Variants in CBY3 observed in about 807,000 individuals in gnomAD.
CBY3 encodes chibby family member 3.
A neutral mutation model predicts 3.0 loss-of-function variants in CBY3; 7 were observed. The observed-to-expected ratio is 2.32, with a 90% CI of 1.32 to 4.35. The LOEUF is 4.35. Among genes scored for constraint, CBY3 ranks in the 30% most tolerant of loss-of-function variants. The probability of loss-of-function intolerance (pLI) is 0.00; values close to 1 mark genes in which losing one functional copy is unlikely to be tolerated. For missense variants in CBY3, 400 were observed against 336.4 expected (o/e 1.19, Z -1.48); for synonymous variants, 170 against 154.5 (o/e 1.10, Z -0.74).
rs199692218 is a variant in CBY3 at position 179,678,593 on chromosome 5, T to A, written c.719A>T (p.Asp240Val). ...GVLMIQPCAL[D>V]SQ The stretch of plus-strand genomic sequence containing the variant: ...GCGGCCTTTATTGCGTCACTGCGAG[T>A]CCAGAGCGCACGGCTGGATCATGAG... Residue 240 changes from aspartate (D) to valine (V), a missense_variant, in exon 2 of 2, where the codon GAC (aspartate) becomes GTC (valine). Physicochemically the swap from Asp to Val is radical, Grantham distance 152. Coordinates refer to ENST00000376974, the MANE Select transcript of CBY3 (RefSeq NM_001164444.2). 5.3e-6 allele frequency: 8 copies of A among 1,512,880 alleles called. No homozygotes were observed. Among genetic ancestry groups the A allele is most frequent in the Non-Finnish European group, 7.1e-6 (8 of 1,131,626 alleles). 93.7% of individuals were successfully genotyped at this position (1,512,880 alleles called of 1,614,324 possible). A position where few individuals can be genotyped will look rare whatever the true frequency, so the allele number is the denominator to read the frequency against.
At position 179,679,163 on chromosome 5, in the gene CBY3, C is replaced by A. The variant is rs1261689542; in HGVS notation, c.149G>T (p.Cys50Phe). The A allele has an allele frequency of 3.3e-6, 5 of 1,535,280 alleles. No homozygotes were observed. Among genetic ancestry groups the A allele is most frequent in the Non-Finnish European group, 4.4e-6 (5 of 1,146,856 alleles). The change falls in exon 2 of 2, where the codon TGC (cysteine) becomes TTC (phenylalanine). Residue 50 changes from cysteine to phenylalanine, a missense_variant. Transcript: ENST00000376974. ...CAGGGCGTGGACCTTGTAGGGCACG[C>A]AGGTGCTCGAAGGGGAGCCTCGGGA... ...QRSRGSPSST[C>F]VPYKVHALAT... is the part of the protein sequence containing the mutation.
In CBY3 at chr5:179,680,974, A is replaced by G. The variant is rs371208247; in HGVS notation, c.-56T>C. 8.9e-4 allele frequency: 1,295 copies of G among 1,460,936 alleles called. 2 individuals carry two copies. Among genetic ancestry groups the G allele is most frequent in the Non-Finnish European group, 1.1e-3 (1,219 of 1,079,352 alleles). 90.5% of individuals were successfully genotyped at this position (1,460,936 alleles called of 1,614,324 possible). A position where few individuals can be genotyped will look rare whatever the true frequency, so the allele number is the denominator to read the frequency against. Reference sequence around the variant, plus strand: ...GGAGGATGTTTCCCCGTTAGTCCTCACTGTATGTTGTGCCTCACCTGGAAG... The same window carrying G: ...GGAGGATGTTTCCCCGTTAGTCCTCGCTGTATGTTGTGCCTCACCTGGAAG... On this transcript the variant is annotated 5_prime_UTR_variant, in exon 1 of 2. Transcript: ENST00000376974.
chr5:179,678,627 C>G lies in CBY3; in HGVS notation c.685G>C (p.Ala229Pro), dbSNP rs1205080873. The change falls in exon 2 of 2, where the codon GCG becomes CCG. Residue 229 changes from alanine (A) to proline (P), a missense_variant. Coordinates refer to ENST00000376974, the MANE Select transcript of CBY3 (RefSeq NM_001164444.2). ...CACGGCTGGATCATGAGCACGCCCG[C>G]GCTGGCGCCTGCGCGCTTGCGCATC... ...RKMRKRAGAS[A>P]GVLMIQPCAL... 1 of 1,532,802 alleles carries G rather than the reference C, an allele frequency of 6.5e-7. No homozygotes were observed. Among genetic ancestry groups the G allele is most frequent in the Non-Finnish European group, 8.7e-7 (1 of 1,144,124 alleles). 95.0% of individuals were successfully genotyped at this position (1,532,802 alleles called of 1,614,324 possible).
intron 1 of CBY3, among the ~76,000 whole-genome samples, chr5:179,679,958 CTTTTTTTTTT>C (rs34916199): frequency 5.1e-5 from 3 of 59,348 alleles, no homozygotes; most frequent in Non-Finnish European, 3.2e-5. Flanking sequence ...TGCGCCTGGC[CTTTTTTTTTT>C]TTTTTTTTTT....
In CBY3 at chr5:179,679,092, G is replaced by C; in HGVS notation, c.220C>G (p.Gln74Glu). Residue 74 changes from glutamine (Q) to glutamate (E), a missense_variant, in exon 2 of 2, where the codon CAG becomes GAG. Transcript: ENST00000376974. ...SATSHASRLW[Q>E]TLQQFWADHI... ...TCGGCCCAAAACTGCTGCAGCGTCTGCCACAGGCGGCTGGCATGGCTCGTA... is the reference window on the plus strand; with the variant it reads ...TCGGCCCAAAACTGCTGCAGCGTCTCCCACAGGCGGCTGGCATGGCTCGTA... 3.3e-6 allele frequency: 5 copies of C among 1,535,810 alleles called. No individual in the cohort carries two copies. The highest frequency in any genetic ancestry group is 4.4e-6 in the Non-Finnish European group (5 of 1,146,680).
chr5:179,679,680 CT>C (rs1475124280), intron 1 of CBY3, among the ~76,000 whole-genome samples: 3 of 151,864 alleles, frequency 2.0e-5, no homozygotes, highest in Admixed American at 6.6e-5. Context: ...TTTTTTGAGA[CT>C]GAGTCTCGCT....
chr5:179,678,686 A>G lies in CBY3; in HGVS notation c.626T>C (p.Ile209Thr), dbSNP rs975006182. Residue 209 changes from isoleucine to threonine, a missense_variant, in exon 2 of 2, where the codon ATC becomes ACC. Transcript: ENST00000376974. ...LLEKQRNPEV[I>T]PTAAARAGQR... ...CCCGGCGCGCGCCGCAGCCGTCGGG[A>G]TCACCTCGGGGTTGCGCTGCTTCTC... The G allele has an allele frequency of 6.5e-7, 1 of 1,536,142 alleles. No individual in the cohort carries two copies.
At chr5:179,680,019 G>A (rs1776021406) in intron 1 of CBY3, among the ~76,000 whole-genome samples, 1 of 131,986 alleles carries the variant, frequency 7.6e-6, no homozygotes, top group South Asian at 2.5e-4. Flanking sequence ...CACCTTATTG[G>A]CCAGGCTGGT....
Position 179,678,975 on chromosome 5 carries a change from G to C in CBY3, c.337C>G (p.Gln113Glu). ...TFYLLDHNTRQAELGLAYGAP... is the reference protein window; with the variant it reads ...TFYLLDHNTREAELGLAYGAP... ...CCGTAGGCGAGGCCCAGCTCGGCCT[G>C]GCGCGTGTTGTGGTCCAGCAGGTAG... is the stretch of plus-strand genomic sequence containing the variant. Residue 113 changes from glutamine (Q) to glutamate (E), a missense_variant, in exon 2 of 2, where the codon CAG becomes GAG. Physicochemically the swap from Gln to Glu is conservative, Grantham distance 29. Coordinates refer to ENST00000376974, the MANE Select transcript of CBY3 (RefSeq NM_001164444.2). 6.5e-7 allele frequency: 1 copy of C among 1,535,890 alleles called. No homozygotes were observed. The highest frequency in any genetic ancestry group is 8.7e-7 in the Non-Finnish European group (1 of 1,146,436).
In CBY3 at chr5:179,678,621, C is replaced by T. The variant is rs1775963132; in HGVS notation, c.691G>A (p.Val231Met). ...MRKRAGASAG[V>M]LMIQPCALDS... is the part of the protein sequence containing the mutation. Reference sequence around the variant, plus strand: ...AGAGCGCACGGCTGGATCATGAGCACGCCCGCGCTGGCGCCTGCGCGCTTG... The same window carrying T: ...AGAGCGCACGGCTGGATCATGAGCATGCCCGCGCTGGCGCCTGCGCGCTTG... Residue 231 changes from valine to methionine, a missense_variant, in exon 2 of 2, where the codon GTG becomes ATG. Coordinates refer to ENST00000376974, the MANE Select transcript of CBY3 (RefSeq NM_001164444.2). 6.5e-7 allele frequency: 1 copy of T among 1,531,994 alleles called. No homozygotes were observed. The highest frequency in any genetic ancestry group is 8.7e-7 in the Non-Finnish European group (1 of 1,143,784). The allele number at this position is 1,531,994 out of a possible 1,614,324, so 94.9% of individuals were successfully genotyped here.
chr5:179,679,212 C>T lies in CBY3; in HGVS notation c.100G>A (p.Glu34Lys). The T allele has an allele frequency of 1.3e-6, 2 of 1,534,266 alleles. No homozygotes were observed. The highest frequency in any genetic ancestry group is 1.7e-6 in the Non-Finnish European group (2 of 1,146,624). Residue 34 changes from glutamate to lysine, a missense_variant, in exon 2 of 2, where the codon GAG (glutamate) becomes AAG (lysine). Physicochemically the swap from Glu to Lys is moderately conservative, Grantham distance 56 (BLOSUM62 1). Coordinates refer to ENST00000376974, the MANE Select transcript of CBY3 (RefSeq NM_001164444.2). ...SFWTSGLPRQ[E>K]RSTSRQRSRG... The stretch of plus-strand genomic sequence containing the variant: ...GAGCGCTGGCGACTCGTGCTGCGCT[C>T]TTGTCTCGGGAGCCCGGATGTCCAG...
Position 179,680,924 on chromosome 5 carries a change from C to A in CBY3, c.-6G>T. The A allele has an allele frequency of 6.5e-7, 1 of 1,536,208 alleles. No individual in the cohort carries two copies. The highest frequency in any genetic ancestry group is 1.2e-5 in the South Asian group (1 of 84,004). On this transcript the variant is annotated 5_prime_UTR_variant, in exon 1 of 2. Transcript: ENST00000376974. ...TGGTCTCTGGAAGCCCACATCCAGG[C>A]CCACCCTTGAGATTGTATCTTCTCG...
chr5:179,679,689 G>C (rs971391255), intron 1 of CBY3, among the ~76,000 whole-genome samples: 19 of 152,082 alleles, frequency 1.2e-4, no homozygotes, highest in Middle Eastern at 3.4e-3. Flanking sequence ...ACTGAGTCTC[G>C]CTGTCGTTGC....
chr5:179,679,100 C>T lies in CBY3; in HGVS notation c.212G>A (p.Arg71His). The change falls in exon 2 of 2, where the codon CGC becomes CAC. Residue 71 changes from arginine to histidine, a missense_variant. By Grantham distance (29) the Arg-to-His change is conservative (BLOSUM62 0). Coordinates refer to ENST00000376974, the MANE Select transcript of CBY3 (RefSeq NM_001164444.2). ...FECSATSHASRLWQTLQQFWA... is the reference protein window; with the variant it reads ...FECSATSHASHLWQTLQQFWA... ...AAACTGCTGCAGCGTCTGCCACAGG[C>T]GGCTGGCATGGCTCGTAGCCGAGCA... 3 of 1,535,804 alleles carry T rather than the reference C, an allele frequency of 2.0e-6. No homozygotes were observed. Among genetic ancestry groups the T allele is most frequent in the Non-Finnish European group, 1.7e-6 (2 of 1,146,692 alleles).
Position 179,679,194 on chromosome 5 carries a change from G to A in CBY3, c.118C>T (p.Gln40Ter). 1 of 1,534,900 alleles carries A rather than the reference G, an allele frequency of 6.5e-7. No homozygotes were observed. Among genetic ancestry groups the A allele is most frequent in the Non-Finnish European group, 8.7e-7 (1 of 1,146,808 alleles). Reference sequence around the variant, plus strand: ...CTCGAAGGGGAGCCTCGGGAGCGCTGGCGACTCGTGCTGCGCTCTTGTCTC... The same window carrying A: ...CTCGAAGGGGAGCCTCGGGAGCGCTAGCGACTCGTGCTGCGCTCTTGTCTC... ...LPRQERSTSR[Q>*]RSRGSPSSTC... is the part of the protein sequence containing the mutation. Residue 40 changes from glutamine (Q) to a stop codon, truncating the protein, a stop_gained, in exon 2 of 2, where the codon CAG becomes TAG. Coordinates refer to ENST00000376974, the MANE Select transcript of CBY3 (RefSeq NM_001164444.2). LOFTEE classifies it low-confidence loss of function (END_TRUNC).
intron 1 of CBY3, 86 bp from the exon 2 acceptor site, chr5:179,679,351 C>A: frequency 8.6e-7 from 1 of 1,165,194 alleles, no homozygotes. Flanking sequence ...CTTAGCCCTG[C>A]AGCTACGGCT....
chr5:179,680,860 G>A lies in CBY3; in HGVS notation c.46+13C>T. On this transcript the variant is annotated intron_variant, in intron 1 of 1. Coordinates refer to ENST00000376974, the MANE Select transcript of CBY3 (RefSeq NM_001164444.2). Reference sequence around the variant, plus strand: ...CCTCACATATAGGTGGACAGAGGCTGGATGGTACATACCATCCCCAAGATC... The same window carrying A: ...CCTCACATATAGGTGGACAGAGGCTAGATGGTACATACCATCCCCAAGATC... 6.5e-7 allele frequency: 1 copy of A among 1,534,634 alleles called. No homozygotes were observed. The highest frequency in any genetic ancestry group is 8.7e-7 in the Non-Finnish European group (1 of 1,144,778).
Position 179,679,145 on chromosome 5 carries a change from T to C in CBY3, c.167A>G (p.His56Arg), listed in dbSNP as rs1163414439. Reference protein sequence around the residue: ...PSSTCVPYKVHALATFECSAT... With the variant: ...PSSTCVPYKVRALATFECSAT... ...CGAGCACTCGAAGGTTGCCAGGGCG[T>C]GGACCTTGTAGGGCACGCAGGTGCT... Residue 56 changes from histidine (H) to arginine (R), a missense_variant, in exon 2 of 2, where the codon CAC becomes CGC. His to Arg is a conservative substitution (Grantham distance 29). Coordinates refer to ENST00000376974, the MANE Select transcript of CBY3 (RefSeq NM_001164444.2). 6.5e-7 allele frequency: 1 copy of C among 1,535,442 alleles called. No individual in the cohort carries two copies. The highest frequency in any genetic ancestry group is 8.7e-7 in the Non-Finnish European group (1 of 1,146,848).
rs1332273084 is a variant in CBY3, at chr5:179,679,212, C to G, written c.100G>C (p.Glu34Gln). The change falls in exon 2 of 2, where the codon GAG (glutamate) becomes CAG (glutamine). Residue 34 changes from glutamate (E) to glutamine (Q), a missense_variant. Transcript: ENST00000376974. ...SFWTSGLPRQ[E>Q]RSTSRQRSRG... ...GAGCGCTGGCGACTCGTGCTGCGCT[C>G]TTGTCTCGGGAGCCCGGATGTCCAG... 8 of 1,534,266 alleles carry G rather than the reference C, an allele frequency of 5.2e-6. No individual in the cohort carries two copies. The highest frequency in any genetic ancestry group is 2.0e-5 in the Admixed American group (1 of 50,876).
Sources: allele counts gnomAD v4.1 joint callset (sites outside exome capture counted in the v4.1 genomes callset), GRCh38; gene constraint gnomAD v4.1.1; transcripts MANE v1.5; gene names NCBI Gene and HGNC (gene_info 2026-07-23, HGNC 2026-07-21).